The following UBAP1 variants were observed in gnomAD, a reference collection of about 807,000 sequenced individuals.
UBAP1 encodes the protein ubiquitin associated protein 1.
Under a neutral mutation model 39.0 loss-of-function variants are expected in UBAP1, and 5 were observed. That is an observed-to-expected ratio of 0.13 (90% CI 0.07 to 0.27). UBAP1 has a LOEUF of 0.27. UBAP1 is among the 10% of genes least tolerant of loss of function. UBAP1 has a pLI of 1.00. For synonymous variants in UBAP1, 211 were observed against 225.1 expected (o/e 0.94, Z 0.56); for missense variants, 490 against 608.1 (o/e 0.81, Z 2.04).
intron 2 of UBAP1, among the ~76,000 whole-genome samples, chr9:34,223,158 T>C (rs552008489): frequency 6.6e-6 from 1 of 152,224 alleles, no homozygotes; most frequent in African/African-American, 2.4e-5. Flanking sequence ...AGGCTGGGCA[T>C]GGTGGCTCAC....
At chr9:34,226,134 TG>T (rs1200297522) in intron 2 of UBAP1, among the ~76,000 whole-genome samples, 4 of 103,350 alleles carry the variant, frequency 3.9e-5, no homozygotes, top group African/African-American at 1.4e-4. Context: ...TGTGTGTGTG[TG>T]TGTGTGTGTG....
At chr9:34,231,125 TTATGTGTGTGTGTGTGTGTG>T (rs1563914356) in intron 2 of UBAP1, among the ~76,000 whole-genome samples, 1 of 96,694 alleles carries the variant, frequency 1.0e-5, no homozygotes, top group African/African-American at 4.8e-5. Context: ...TTTAAAAAAA[TTATGTGTGTGTGTGTGTGTG>T]TGTGTGTGTG....
chr9:34,237,630 C>T (rs1833769589), intron 3 of UBAP1, among the ~76,000 whole-genome samples: 1 of 152,082 alleles, frequency 6.6e-6, no homozygotes, highest in Non-Finnish European at 1.5e-5. Context: ...TCTAGTGGCA[C>T]AGTCATGGCT....
chr9:34,183,450 C>A (rs1434710552), intron 1 of UBAP1, among the ~76,000 whole-genome samples: 2 of 150,496 alleles, frequency 1.3e-5, no homozygotes, highest in African/African-American at 4.9e-5. Context: ...GAGGCTGAGG[C>A]AGGAGAATGG....
At chr9:34,182,650 T>TCTTC (rs1262938799) in intron 1 of UBAP1, among the ~76,000 whole-genome samples, 50 of 63,314 alleles carry the variant, frequency 7.9e-4, no homozygotes, top group Non-Finnish European at 1.5e-3. Flanking sequence ...TTTCTTTCTT[T>TCTTC]CTTTCTTTCT....
rs572690275 is a variant in UBAP1, at chr9:34,216,480, C to T, written c.-7-4428C>T. On this transcript the variant is annotated intron_variant, in intron 1 of 6. Transcript: ENST00000297661. The stretch of plus-strand genomic sequence containing the variant: ...ACACAATATTTGTGAACTTTTATGT[C>T]TTCTTTTTTTTATTTTAAATTTTTT... 1.6e-4 allele frequency among the ~76,000 whole-genome samples: 24 copies of T among 151,746 alleles called. 1 individual carries two copies. In the South Asian group the frequency reaches 4.8e-3, roughly 30 times the overall value.
chr9:34,224,689 A>G (rs1179954761), intron 2 of UBAP1: 2 of 272,316 alleles, frequency 7.3e-6, no homozygotes, highest in African/African-American at 2.2e-5. Flanking sequence ...CTATTTTTAG[A>G]TATCAGGTAG....
intron 2 of UBAP1, among the ~76,000 whole-genome samples, chr9:34,223,291 G>A (rs1169697825): frequency 1.3e-5 from 2 of 151,656 alleles, no homozygotes; most frequent in Non-Finnish European, 1.5e-5. Context: ...TTAGCCGGGT[G>A]TAGTGACGCA....
chr9:34,249,403 G>T (rs1161629881), intron 4 of UBAP1, among the ~76,000 whole-genome samples: 1 of 152,160 alleles, frequency 6.6e-6, no homozygotes, highest in Non-Finnish European at 1.5e-5. Flanking sequence ...ATGCTGGAGA[G>T]AAATCGCAGC....
intron 4 of UBAP1, 140 bp from the exon 5 acceptor site, chr9:34,249,639 A>G (rs1218501454): frequency 4.0e-6 from 3 of 755,180 alleles, no homozygotes; most frequent in Admixed American, 5.4e-5. Flanking sequence ...CTGACCAGCA[A>G]CCTGGCGATT....
chr9:34,231,833 C>T (rs767612043), intron 2 of UBAP1, among the ~76,000 whole-genome samples: 11 of 147,162 alleles, frequency 7.5e-5, no homozygotes, highest in South Asian at 2.2e-4. Flanking sequence ...TTAGTAGAGA[C>T]GGGGTTTCAC....
In UBAP1 at chr9:34,179,144, C is replaced by T. The variant is rs976128374; in HGVS notation, c.-104C>T. On this transcript the variant is annotated 5_prime_UTR_variant, in exon 1 of 7. Coordinates refer to ENST00000297661, the MANE Select transcript of UBAP1 (RefSeq NM_016525.5). ...TTGGAGGTGGTGGCGTTCGCTCTCC[C>T]TAGGGGCTGTCGGGAGCTCAGCGGG... 28 of 1,251,288 alleles carry T rather than the reference C, an allele frequency of 2.2e-5. No homozygotes were observed. Among genetic ancestry groups the T allele is most frequent in the Non-Finnish European group, 2.5e-5 (25 of 995,510 alleles). The allele number at this position is 1,251,288 out of a possible 1,614,324, so 77.5% of individuals were successfully genotyped here. A position where few individuals can be genotyped will look rare whatever the true frequency, so the allele number is the denominator to read the frequency against.
chr9:34,196,641 C>T (rs1022305683), intron 1 of UBAP1, among the ~76,000 whole-genome samples: 3 of 151,808 alleles, frequency 2.0e-5, no homozygotes, highest in Admixed American at 6.6e-5. Context: ...GACACGGTCT[C>T]ACTATGTTGC....
intron 4 of UBAP1, among the ~76,000 whole-genome samples, chr9:34,244,018 T>G (rs189655171): frequency 6.6e-6 from 1 of 151,958 alleles, no homozygotes; most frequent in East Asian, 1.9e-4. Context: ...CGCAGCTAAT[T>G]TTTGTATTTT....
At chr9:34,179,275 G>A in intron 1 of UBAP1, 35 bp downstream of exon 1, 2 of 1,183,934 alleles carry the variant, frequency 1.7e-6, no homozygotes, top group Non-Finnish European at 2.1e-6. Flanking sequence ...AGGGGGAAGA[G>A]GGGCGGAGTT....
intron 1 of UBAP1, among the ~76,000 whole-genome samples, chr9:34,208,624 A>C (rs1247919920): frequency 6.6e-6 from 1 of 152,006 alleles, no homozygotes; most frequent in East Asian, 1.9e-4. Flanking sequence ...AAAAATACAA[A>C]AAAATTAGCC....
At chr9:34,196,602 G>T (rs537157149) in intron 1 of UBAP1, among the ~76,000 whole-genome samples, 1 of 151,412 alleles carries the variant, frequency 6.6e-6, no homozygotes, top group Non-Finnish European at 1.5e-5. Context: ...CGGCCACGGC[G>T]CCCAGCCTAA....
intron 2 of UBAP1, among the ~76,000 whole-genome samples, chr9:34,225,805 AAAG>A (rs1176252276): frequency 6.6e-6 from 1 of 151,600 alleles, no homozygotes; most frequent in Non-Finnish European, 1.5e-5. Context: ...AGAAAAGAAA[AAAG>A]AAATCTCAAT....
chr9:34,197,420 G>T (rs1375646051), intron 1 of UBAP1, among the ~76,000 whole-genome samples: 2 of 152,114 alleles, frequency 1.3e-5, no homozygotes, highest in African/African-American at 4.8e-5. Context: ...GGGATTACAA[G>T]TGAGAGCCAC....
Sources: allele counts gnomAD v4.1 joint callset (sites outside exome capture counted in the v4.1 genomes callset), GRCh38; gene constraint gnomAD v4.1.1; transcripts MANE v1.5; gene names NCBI Gene and HGNC (gene_info 2026-07-23, HGNC 2026-07-21).